Variants in SYT14 observed in about 807,000 individuals in gnomAD.
The protein encoded by SYT14 is synaptotagmin-14.
Under a neutral mutation model 74.2 loss-of-function variants are expected in SYT14, and 32 were observed. The observed-to-expected ratio is 0.43, with a 90% CI of 0.33 to 0.58. The LOEUF is 0.58. Ranked by LOEUF, SYT14 falls within the 20% of genes least tolerant of loss-of-function variation. The pLI is 0.05. For missense variants in SYT14, 791 were observed against 981.8 expected (o/e 0.81, Z 2.60); for synonymous variants, 298 against 337.7 (o/e 0.88, Z 1.29).
intron 2 of SYT14, among the ~76,000 whole-genome samples, chr1:209,997,604 T>TA (rs954820410): frequency 3.3e-5 from 5 of 151,988 alleles, no homozygotes; most frequent in African/African-American, 9.7e-5. Flanking sequence ...TTCACAGAAT[T>TA]AAAAAAAGGC....
exon 10 of SYT14, chr1:210,163,524 G>C (rs555080957): frequency 4.0e-5 from 18 of 453,482 alleles, no homozygotes; most frequent in South Asian, 2.6e-4. Flanking sequence ...TAAAGGCAAA[G>C]GTGCCCTGGC....
At chr1:210,026,335 T>C (rs190802324) in intron 5 of SYT14, among the ~76,000 whole-genome samples, 41 of 152,248 alleles carry the variant, frequency 2.7e-4, no homozygotes, top group African/African-American at 9.4e-4. Context: ...GAAATTTCAC[T>C]CATGCTAATT....
chr1:210,132,687 G>A (rs1162053491), intron 7 of SYT14, among the ~76,000 whole-genome samples: 1 of 151,466 alleles, frequency 6.6e-6, no homozygotes, highest in Non-Finnish European at 1.5e-5. Flanking sequence ...TTTTCCAGAT[G>A]TCTATGAAAT....
intron 8 of SYT14, 22 bp from the exon 8 acceptor site, chr1:210,159,399 G>T: frequency 6.4e-7 from 1 of 1,550,894 alleles, no homozygotes; most frequent in Non-Finnish European, 8.7e-7. Context: ...TTCTTTTACT[G>T]CTTTCCACCC....
At chr1:210,039,522 A>G (rs2080739752) in intron 5 of SYT14, among the ~76,000 whole-genome samples, 1 of 152,206 alleles carries the variant, frequency 6.6e-6, no homozygotes, top group South Asian at 2.1e-4. Context: ...ACAGAAGCCA[A>G]AATTGACAAA....
At chr1:210,026,306 A>G (rs1000769703) in intron 5 of SYT14, among the ~76,000 whole-genome samples, 1 of 152,122 alleles carries the variant, frequency 6.6e-6, no homozygotes, top group Non-Finnish European at 1.5e-5. Flanking sequence ...CATTTAATTG[A>G]TGAGCTAGAC....
chr1:210,152,441 A>G (rs2083183139), intron 7 of SYT14, among the ~76,000 whole-genome samples: 1 of 151,958 alleles, frequency 6.6e-6, no homozygotes, highest in South Asian at 2.1e-4. Flanking sequence ...TTTTTAATTC[A>G]TGGATTGGAT....
chr1:210,040,247 T>A (rs1023389832), intron 5 of SYT14, among the ~76,000 whole-genome samples: 1 of 152,026 alleles, frequency 6.6e-6, no homozygotes. Context: ...AAACCATCAT[T>A]CTCAGCAAAC....
At chr1:210,049,410 T>C (rs1409433917) in intron 5 of SYT14, among the ~76,000 whole-genome samples, 1 of 151,948 alleles carries the variant, frequency 6.6e-6, no homozygotes, top group Non-Finnish European at 1.5e-5. Context: ...TTTAATCTTT[T>C]ATGTGGATTT....
At chr1:209,994,511 G>C (rs2079752465) in intron 2 of SYT14, among the ~76,000 whole-genome samples, 2 of 152,134 alleles carry the variant, frequency 1.3e-5, no homozygotes, top group African/African-American at 2.4e-5. Context: ...TTAAATCTAA[G>C]ACTCATTGGC....
chr1:210,071,499 C>T (rs1400512333), intron 5 of SYT14, among the ~76,000 whole-genome samples: 1 of 151,880 alleles, frequency 6.6e-6, no homozygotes, highest in Non-Finnish European at 1.5e-5. Flanking sequence ...TATGTGGGTA[C>T]ATGTGTCTTA....
intron 5 of SYT14, among the ~76,000 whole-genome samples, chr1:210,092,957 A>G (rs1367881865): frequency 6.6e-6 from 1 of 152,210 alleles, no homozygotes; most frequent in African/African-American, 2.4e-5. Context: ...CTTAGGTTAT[A>G]TGTAAATACT....
chr1:209,982,040 T>A (rs2079496371), intron 2 of SYT14, among the ~76,000 whole-genome samples: 1 of 152,164 alleles, frequency 6.6e-6, no homozygotes, highest in Non-Finnish European at 1.5e-5. Flanking sequence ...GAAGATTTTC[T>A]TGCATTATTC....
chr1:209,979,291 G>A (rs192606308), intron 2 of SYT14, among the ~76,000 whole-genome samples: 4 of 152,250 alleles, frequency 2.6e-5, no homozygotes, highest in South Asian at 4.1e-4. Context: ...TGTCTTCTGC[G>A]TCGCTCACAC....
chr1:210,058,562 G>C (rs2081142586), intron 5 of SYT14, among the ~76,000 whole-genome samples: 1 of 152,186 alleles, frequency 6.6e-6, no homozygotes, highest in African/African-American at 2.4e-5. Flanking sequence ...GGGAAGACTT[G>C]GCTGCCCTCC....
At chr1:210,008,476 G>C (rs1455108756) in intron 2 of SYT14, among the ~76,000 whole-genome samples, 1 of 152,024 alleles carries the variant, frequency 6.6e-6, no homozygotes, top group Admixed American at 6.6e-5. Context: ...CAATTCTCCT[G>C]CCTCAGCCTC....
chr1:209,959,996 T>A (rs944169312), intron 2 of SYT14, among the ~76,000 whole-genome samples: 1 of 152,204 alleles, frequency 6.6e-6, no homozygotes, highest in African/African-American at 2.4e-5. Context: ...TGCAAAAGTT[T>A]CCATTACCTG....
chr1:209,953,341 C>T, intron 2 of SYT14: 2 of 904,774 alleles, frequency 2.2e-6, no homozygotes, highest in Non-Finnish European at 1.5e-6. Flanking sequence ...GGAGTCCCCA[C>T]AACTCCTTAT....
Position 210,118,033 on chromosome 1 carries a change from C to T in SYT14, c.2034+17572C>T, listed in dbSNP as rs145069893. On this transcript the variant is annotated intron_variant, in intron 7 of 9. Transcript: ENST00000637265. Reference sequence around the variant, plus strand: ...AAGCTTAAAGCACAGGCATTGTTTTCCTTTGCTGCTCTATTTTATTTTAAG... The same window carrying T: ...AAGCTTAAAGCACAGGCATTGTTTTTCTTTGCTGCTCTATTTTATTTTAAG... Among the ~76,000 whole-genome samples, 16 of 152,252 alleles carry T rather than the reference C, an allele frequency of 1.1e-4. 1 individual carries two copies. The East Asian group carries it at 3.1e-3, about 29-fold the overall frequency.
Sources: allele counts gnomAD v4.1 joint callset (sites outside exome capture counted in the v4.1 genomes callset), GRCh38; gene constraint gnomAD v4.1.1; transcripts MANE v1.5; gene names NCBI Gene and HGNC (gene_info 2026-07-23, HGNC 2026-07-21).